Variants in NRXN3 observed in about 807,000 individuals in gnomAD.
NRXN3 encodes neurexin III.
Under a neutral mutation model 137.6 loss-of-function variants are expected in NRXN3, and 32 were observed. That is an observed-to-expected ratio of 0.23 (90% CI 0.18 to 0.31). NRXN3 has a LOEUF of 0.31. Ranked by LOEUF, NRXN3 falls within the 10% of genes least tolerant of loss-of-function variation. The probability of loss-of-function intolerance (pLI) is 1.00; values close to 1 mark genes in which losing one functional copy is unlikely to be tolerated. For missense variants in NRXN3, 1,574 were observed against 2,062.5 expected, an observed-to-expected ratio of 0.76 and a Z score of 4.59; for synonymous variants, 798 against 784.5, an observed-to-expected ratio of 1.02 and a Z score of -0.29.
chr14:78,966,234 A>C lies in NRXN3; in HGVS notation c.2605A>C (p.Ile869Leu), dbSNP rs2099417081. The C allele has an allele frequency of 6.2e-7, 1 of 1,614,084 alleles. No homozygotes were observed. Among genetic ancestry groups the C allele is most frequent in the African/African-American group, 1.3e-5 (1 of 74,928 alleles). The change falls in exon 12 of 21, where the codon ATC becomes CTC. Residue 869 changes from isoleucine to leucine, a missense_variant. Ile to Leu is a conservative substitution (Grantham distance 5). Coordinates refer to ENST00000335750, the MANE Select transcript of NRXN3 (RefSeq NM_001330195.2). ...GGCTCGTTTTGGACTGAGGAACATC[A>C]TCGCTGACCCTGTCACCTTTAAGAC... ...LKARFGLRNI[I>L]ADPVTFKTKS...
chr14:79,104,420 C>T (rs542690876), intron 15 of NRXN3, among the ~76,000 whole-genome samples: 1 of 152,244 alleles, frequency 6.6e-6, no homozygotes, highest in East Asian at 1.9e-4. Flanking sequence ...GGAATATCCT[C>T]CCCACTCCAC....
At chr14:79,300,168 A>C (rs957639597) in intron 15 of NRXN3, among the ~76,000 whole-genome samples, 4 of 152,012 alleles carry the variant, frequency 2.6e-5, no homozygotes, top group Non-Finnish European at 5.9e-5. Context: ...TTTCATCCTC[A>C]ATGACATTCA....
intron 15 of NRXN3, chr14:79,072,336 A>C (rs1491002216): frequency 6.6e-6 from 1 of 152,224 alleles, no homozygotes. Context: ...CTGTGTTTGC[A>C]GTCTTGTTAA....
At chr14:79,554,458 C>A (rs1188034185) in intron 16 of NRXN3, among the ~76,000 whole-genome samples, 2 of 152,128 alleles carry the variant, frequency 1.3e-5, no homozygotes, top group Admixed American at 6.6e-5. Flanking sequence ...CTCCCACGGT[C>A]CAAGGTGAGA....
At chr14:78,867,879 A>G (rs1315480066) in intron 10 of NRXN3, among the ~76,000 whole-genome samples, 3 of 151,510 alleles carry the variant, frequency 2.0e-5, no homozygotes, top group Non-Finnish European at 1.5e-5. Flanking sequence ...GCTCCTGTGT[A>G]TAAGTTTTAT....
intron 15 of NRXN3, among the ~76,000 whole-genome samples, chr14:79,034,483 G>A (rs2099612979): frequency 6.6e-6 from 1 of 152,046 alleles, no homozygotes; most frequent in Non-Finnish European, 1.5e-5. Context: ...TCGCTTAACT[G>A]TCTGAGCCCC....
At chr14:78,336,233 T>C (rs941981037) in intron 4 of NRXN3, among the ~76,000 whole-genome samples, 3 of 152,310 alleles carry the variant, frequency 2.0e-5, no homozygotes, top group Admixed American at 6.5e-5. Context: ...GGAGTTGCAG[T>C]GAGGCTGGGA....
At chr14:78,877,589 C>T (rs113723911) in intron 10 of NRXN3, among the ~76,000 whole-genome samples, 23 of 152,198 alleles carry the variant, frequency 1.5e-4, no homozygotes, top group African/African-American at 5.1e-4. Flanking sequence ...CAGTGCATAA[C>T]ACAGTATCTT....
At position 78,358,488 on chromosome 14, in the gene NRXN3, C is replaced by T. The variant is rs985287323; in HGVS notation, c.757+60628C>T. On this transcript the variant is annotated intron_variant, in intron 4 of 20. Coordinates refer to ENST00000335750, the MANE Select transcript of NRXN3 (RefSeq NM_001330195.2). ...CTTTAGTCCTTGCTGCTATTCTGAGCGGGCTGGTATAACCGCTTGCTTCAA... is the reference window on the plus strand; with the variant it reads ...CTTTAGTCCTTGCTGCTATTCTGAGTGGGCTGGTATAACCGCTTGCTTCAA... Among the ~76,000 whole-genome samples the T allele has an allele frequency of 7.9e-5, 12 of 152,240 alleles. No homozygotes were observed. The East Asian group carries it at 2.1e-3, about 27-fold the overall frequency.
intron 4 of NRXN3, among the ~76,000 whole-genome samples, chr14:78,353,477 T>C (rs961863983): frequency 6.6e-6 from 1 of 152,162 alleles, no homozygotes; most frequent in Non-Finnish European, 1.5e-5. Flanking sequence ...CTCCGGGGAC[T>C]GTTTTATAAG....
At chr14:79,400,727 A>T (rs1175353225) in intron 15 of NRXN3, among the ~76,000 whole-genome samples, 1 of 152,160 alleles carries the variant, frequency 6.6e-6, no homozygotes, top group African/African-American at 2.4e-5. Context: ...TCAATTAATA[A>T]TCTTTTGATA....
intron 2 of NRXN3, among the ~76,000 whole-genome samples, chr14:78,257,933 G>A (rs1446462252): frequency 6.6e-6 from 1 of 152,130 alleles, no homozygotes; most frequent in Non-Finnish European, 1.5e-5. Flanking sequence ...TGTATTAAGG[G>A]GTGGGTAGTG....
intron 15 of NRXN3, among the ~76,000 whole-genome samples, chr14:79,429,058 C>A (rs2095703202): frequency 6.6e-6 from 1 of 152,112 alleles, no homozygotes; most frequent in Non-Finnish European, 1.5e-5. Flanking sequence ...TTGCGGAGCC[C>A]CCACCAGTTG....
chr14:78,339,605 T>G (rs1238599255), intron 4 of NRXN3, among the ~76,000 whole-genome samples: 1 of 152,146 alleles, frequency 6.6e-6, no homozygotes, highest in Non-Finnish European at 1.5e-5. Context: ...ATCCAACTGC[T>G]TGAGTCAAGA....
intron 16 of NRXN3, among the ~76,000 whole-genome samples, chr14:79,577,397 C>A (rs1273137464): frequency 6.6e-6 from 1 of 152,072 alleles, no homozygotes; most frequent in Non-Finnish European, 1.5e-5. Context: ...ATTTTTCAGT[C>A]TTTTGAATGT....
chr14:79,396,743 C>T (rs2095037607), intron 15 of NRXN3, among the ~76,000 whole-genome samples: 1 of 152,090 alleles, frequency 6.6e-6, no homozygotes, highest in African/African-American at 2.4e-5. Flanking sequence ...TTTACACAAA[C>T]CAAAGGTCAA....
rs546233467 is a variant in NRXN3, at chr14:78,984,549, A to G, written c.3143-3473A>G. Among the ~76,000 whole-genome samples the G allele has an allele frequency of 2.0e-5, 3 of 152,312 alleles. No homozygotes were observed. The South Asian group carries it at 6.2e-4, about 32-fold the overall frequency. On this transcript the variant is annotated intron_variant, in intron 14 of 20. Coordinates refer to ENST00000335750, the MANE Select transcript of NRXN3 (RefSeq NM_001330195.2). ...TTTGAATCTGGAGAAAGCACAGTTA[A>G]GGCCAAGGGTCCAGCAGGAAGCGCA... is the stretch of plus-strand genomic sequence containing the variant.
intron 16 of NRXN3, among the ~76,000 whole-genome samples, chr14:79,509,162 C>T (rs2096908067): frequency 6.6e-6 from 1 of 151,838 alleles, no homozygotes; most frequent in Non-Finnish European, 1.5e-5. Flanking sequence ...CCACTGCACT[C>T]AAGTCTGGGT....
chr14:78,325,149 G>A (rs758959725), intron 4 of NRXN3, among the ~76,000 whole-genome samples: 5 of 151,962 alleles, frequency 3.3e-5, no homozygotes, highest in Non-Finnish European at 5.9e-5. Context: ...ATAAAAATTA[G>A]CATCAGGACA....
Sources: allele counts gnomAD v4.1 joint callset (sites outside exome capture counted in the v4.1 genomes callset), GRCh38; gene constraint gnomAD v4.1.1; transcripts MANE v1.5; gene names NCBI Gene and HGNC (gene_info 2026-07-23, HGNC 2026-07-21).